UNC5D: variants seen among roughly 807,000 people sequenced by gnomAD.
UNC5D encodes netrin receptor UNC5D.
A neutral mutation model predicts 105.4 loss-of-function variants in UNC5D; 39 were observed. That is an observed-to-expected ratio of 0.37 (90% confidence interval 0.29 to 0.48). The LOEUF is 0.48. Among genes scored for constraint, UNC5D ranks in the 20% least tolerant of loss-of-function variants. UNC5D has a pLI of 0.98. For missense variants in UNC5D, 991 were observed against 1,202.4 expected, an observed-to-expected ratio of 0.82 and a Z score of 2.60; for synonymous variants, 452 against 450.4, an observed-to-expected ratio of 1.00 and a Z score of -0.04.
At chr8:35,770,804 C>G (rs1801977965) in intron 15 of UNC5D, among the ~76,000 whole-genome samples, 1 of 152,070 alleles carries the variant, frequency 6.6e-6, no homozygotes, top group South Asian at 2.1e-4. Flanking sequence ...ATCTTTCTTC[C>G]AAAAGTGTTG....
chr8:35,555,565 T>C (rs747650714), intron 2 of UNC5D, among the ~76,000 whole-genome samples: 9 of 152,116 alleles, frequency 5.9e-5, no homozygotes, highest in Non-Finnish European at 2.9e-5. Flanking sequence ...CGGTTGCTCA[T>C]GCCTGTAATC....
intron 1 of UNC5D, among the ~76,000 whole-genome samples, chr8:35,362,313 C>T (rs1285916006): frequency 6.6e-6 from 1 of 152,146 alleles, no homozygotes; most frequent in Non-Finnish European, 1.5e-5. Flanking sequence ...ATGGATTTTC[C>T]TTTTTGCAAA....
intron 4 of UNC5D, among the ~76,000 whole-genome samples, chr8:35,623,343 G>A (rs1420105422): frequency 6.6e-6 from 1 of 152,062 alleles, no homozygotes; most frequent in East Asian, 1.9e-4. Context: ...TTGGGCTCAG[G>A]AACGGAAAAT....
At chr8:35,534,180 G>C (rs961479691) in intron 1 of UNC5D, among the ~76,000 whole-genome samples, 2 of 152,076 alleles carry the variant, frequency 1.3e-5, no homozygotes, top group Admixed American at 6.5e-5. Flanking sequence ...CGCTGGAATT[G>C]TATAATATTA....
intron 1 of UNC5D, among the ~76,000 whole-genome samples, chr8:35,498,578 T>A (rs752116416): frequency 9.2e-5 from 14 of 152,040 alleles, no homozygotes; most frequent in Non-Finnish European, 1.9e-4. Flanking sequence ...GCTCCTCCAG[T>A]GTACTGGGAA....
chr8:35,248,992 T>A (rs372175230), intron 1 of UNC5D, among the ~76,000 whole-genome samples: 40 of 80,144 alleles, frequency 5.0e-4, no homozygotes, highest in Non-Finnish European at 6.4e-4. Context: ...TATAATATAT[T>A]ATATATAAAC....
chr8:35,423,696 A>G (rs1806060271), intron 1 of UNC5D, among the ~76,000 whole-genome samples: 1 of 152,198 alleles, frequency 6.6e-6, no homozygotes, highest in African/African-American at 2.4e-5. Context: ...ATTGGAAACT[A>G]TCTCCTGAAG....
chr8:35,667,973 T>C (rs1824538910), intron 4 of UNC5D, among the ~76,000 whole-genome samples: 1 of 152,158 alleles, frequency 6.6e-6, no homozygotes, highest in African/African-American at 2.4e-5. Flanking sequence ...GTCAGTGGAA[T>C]TTTACATTAA....
At chr8:35,536,925 G>A (rs1226234354) in intron 1 of UNC5D, among the ~76,000 whole-genome samples, 2 of 152,182 alleles carry the variant, frequency 1.3e-5, no homozygotes, top group Non-Finnish European at 2.9e-5. Context: ...GAACAGGGGA[G>A]GCGAAGGTTG....
intron 1 of UNC5D, among the ~76,000 whole-genome samples, chr8:35,295,468 G>C (rs556133037): frequency 6.6e-6 from 1 of 152,124 alleles, no homozygotes. Flanking sequence ...CACAGCTCAG[G>C]CCTGTGTTGT....
intron 4 of UNC5D, among the ~76,000 whole-genome samples, chr8:35,614,753 A>C (rs1820908882): frequency 6.6e-6 from 1 of 152,184 alleles, no homozygotes; most frequent in African/African-American, 2.4e-5. Context: ...TCCTTAAATA[A>C]GTCCTATTAA....
chr8:35,497,984 G>A (rs139363055), intron 1 of UNC5D, among the ~76,000 whole-genome samples: 169 of 150,156 alleles, frequency 1.1e-3, no homozygotes, highest in Non-Finnish European at 2.0e-3. Flanking sequence ...CAGGAGAATC[G>A]CCTGAACCCA....
At chr8:35,561,327 C>T (rs1051848329) in intron 2 of UNC5D, among the ~76,000 whole-genome samples, 1 of 152,128 alleles carries the variant, frequency 6.6e-6, no homozygotes, top group African/African-American at 2.4e-5. Flanking sequence ...ATTGTTTCTT[C>T]CCATGCAAAC....
At chr8:35,550,701 AAAG>A (rs1233992670) in intron 2 of UNC5D, among the ~76,000 whole-genome samples, 1 of 152,218 alleles carries the variant, frequency 6.6e-6, no homozygotes, top group African/African-American at 2.4e-5. Context: ...AAATATCTGA[AAAG>A]AAGAATATGA....
chr8:35,401,176 T>TGCGGTGGCTCAAAATGAGGGG lies in UNC5D; in HGVS notation c.104-148116_104-148115insGCGGTGGCTCAAAATGAGGGG, dbSNP rs1443543052. Among the ~76,000 whole-genome samples the TGCGGTGGCTCAAAATGAGGGG allele has an allele frequency of 7.9e-5, 12 of 152,116 alleles. No homozygotes were observed. The East Asian group carries it at 2.3e-3, about 29-fold the overall frequency. On this transcript the variant is annotated intron_variant, in intron 1 of 16. Transcript: ENST00000404895. Reference sequence around the variant, plus strand: ...AAGATACTGCTATAAAAAACAAGGGTCCAGGTGCGGTGGCTCAAAATGAGG... The same window carrying TGCGGTGGCTCAAAATGAGGGG: ...AAGATACTGCTATAAAAAACAAGGGTGCGGTGGCTCAAAATGAGGGGCCAGGTGCGGTGGCTCAAAATGAGG...
At chr8:35,621,938 C>T (rs1412018263) in intron 4 of UNC5D, among the ~76,000 whole-genome samples, 1 of 152,212 alleles carries the variant, frequency 6.6e-6, no homozygotes, top group African/African-American at 2.4e-5. Context: ...CTCCCTCCTC[C>T]ACTTCAGAGC....
At chr8:35,590,387 A>G (rs527970787) in intron 3 of UNC5D, among the ~76,000 whole-genome samples, 30 of 152,154 alleles carry the variant, frequency 2.0e-4, no homozygotes, top group Non-Finnish European at 3.8e-4. Flanking sequence ...ATGTAAAAAT[A>G]TTTCTTATTA....
intron 1 of UNC5D, among the ~76,000 whole-genome samples, chr8:35,449,581 C>A (rs1454712311): frequency 6.6e-6 from 1 of 152,122 alleles, no homozygotes; most frequent in African/African-American, 2.4e-5. Flanking sequence ...TTGGTTCTTG[C>A]CGCCATGGAG....
intron 1 of UNC5D, among the ~76,000 whole-genome samples, chr8:35,266,533 G>T (rs1390060332): frequency 6.6e-6 from 1 of 152,144 alleles, no homozygotes; most frequent in Non-Finnish European, 1.5e-5. Context: ...GTACATAAAG[G>T]TCTATTCCAG....
Sources: allele counts gnomAD v4.1 joint callset (sites outside exome capture counted in the v4.1 genomes callset), GRCh38; gene constraint gnomAD v4.1.1; transcripts MANE v1.5; gene names NCBI Gene and HGNC (gene_info 2026-07-23, HGNC 2026-07-21).